Variants in CADPS observed in about 807,000 individuals in gnomAD.
The protein encoded by CADPS is calcium dependent secretion activator.
Under a neutral mutation model 167.3 loss-of-function variants are expected in CADPS, and 57 were observed. That is an observed-to-expected ratio of 0.34 (90% CI 0.28 to 0.42). The LOEUF is 0.42. Ranked by LOEUF, CADPS falls within the 20% of genes least tolerant of loss-of-function variation. CADPS has a pLI of 1.00. For missense variants in CADPS, 1,414 were observed against 1,738.1 expected (o/e 0.81, Z 3.32); for synonymous variants, 676 against 635.3 (o/e 1.06, Z -0.96).
At chr3:62,808,929 T>C (rs1169203331) in intron 1 of CADPS, among the ~76,000 whole-genome samples, 1 of 152,112 alleles carries the variant, frequency 6.6e-6, no homozygotes, top group Non-Finnish European at 1.5e-5. Context: ...CAACTCTTCC[T>C]CCTCCAACTC....
intron 29 of CADPS, 36 bp downstream of exon 29, chr3:62,403,045 C>T: frequency 7.7e-7 from 1 of 1,304,796 alleles, no homozygotes; most frequent in Non-Finnish European, 1.1e-6. Context: ...TTTCAGTAAG[C>T]TATTTGCAAA....
At chr3:62,515,616 A>G (rs1029603533) in intron 16 of CADPS, among the ~76,000 whole-genome samples, 3 of 152,156 alleles carry the variant, frequency 2.0e-5, no homozygotes, top group African/African-American at 7.2e-5. Context: ...TGGGGGCAAG[A>G]AAGAGCAAAA....
chr3:62,742,154 T>C (rs1415901524), intron 3 of CADPS, among the ~76,000 whole-genome samples: 3 of 152,176 alleles, frequency 2.0e-5, no homozygotes, highest in South Asian at 2.1e-4. Context: ...AAACATCCAA[T>C]GCTCATGGAT....
At chr3:62,738,946 A>G (rs2079599330) in intron 3 of CADPS, among the ~76,000 whole-genome samples, 1 of 152,238 alleles carries the variant, frequency 6.6e-6, no homozygotes, top group African/African-American at 2.4e-5. Flanking sequence ...AGGGCATGTC[A>G]GCAATAATCA....
chr3:62,756,660 T>G (rs372946703), intron 2 of CADPS, among the ~76,000 whole-genome samples: 2 of 152,346 alleles, frequency 1.3e-5, no homozygotes, highest in South Asian at 4.1e-4. Context: ...GCTAGGAATC[T>G]ATTCTAATAT....
chr3:62,521,234 T>C (rs1007594736), intron 13 of CADPS, among the ~76,000 whole-genome samples: 2 of 152,094 alleles, frequency 1.3e-5, no homozygotes, highest in Non-Finnish European at 2.9e-5. Flanking sequence ...AAAAAAATAT[T>C]AGGTGGGTGG....
intron 21 of CADPS, among the ~76,000 whole-genome samples, chr3:62,490,333 A>G (rs915003816): frequency 1.3e-5 from 2 of 152,140 alleles, no homozygotes; most frequent in Admixed American, 1.3e-4. Context: ...AAAGAAAGAA[A>G]CTAACAAGGC....
chr3:62,507,823 C>T (rs940108873), intron 17 of CADPS, among the ~76,000 whole-genome samples: 2 of 152,136 alleles, frequency 1.3e-5, no homozygotes, highest in Non-Finnish European at 2.9e-5. Context: ...GAAGAACATC[C>T]TTTTAAATAC....
chr3:62,666,342 A>G (rs979223455), intron 3 of CADPS, among the ~76,000 whole-genome samples: 1 of 152,166 alleles, frequency 6.6e-6, no homozygotes, highest in Non-Finnish European at 1.5e-5. Context: ...GGAGCTTGAC[A>G]GCTCCACTCT....
At chr3:62,564,903 G>C (rs1410666728) in intron 9 of CADPS, among the ~76,000 whole-genome samples, 1 of 152,022 alleles carries the variant, frequency 6.6e-6, no homozygotes, top group East Asian at 1.9e-4. Flanking sequence ...CCATGTCTGG[G>C]CACCAGAAAT....
chr3:62,874,304 G>A lies in CADPS; in HGVS notation c.441+285C>T, dbSNP rs1370424957. On this transcript the variant is annotated intron_variant, in intron 1 of 29. Coordinates refer to ENST00000383710, the MANE Select transcript of CADPS (RefSeq NM_003716.4). The surrounding 1 kb of genome is among the most constrained non-coding windows in gnomAD (Gnocchi z 7.1). ...CCTCTCGGTCCACAAAGCGGGACCTGCCTGCCTCGCTCACCAACGCTCCCG... is the reference window on the plus strand; with the variant it reads ...CCTCTCGGTCCACAAAGCGGGACCTACCTGCCTCGCTCACCAACGCTCCCG... Among the ~76,000 whole-genome samples the A allele has an allele frequency of 1.3e-5, 2 of 152,200 alleles. No homozygotes were observed. Among genetic ancestry groups the A allele is most frequent in the African/African-American group, 4.8e-5 (2 of 41,474 alleles).
intron 8 of CADPS, among the ~76,000 whole-genome samples, chr3:62,577,237 T>C (rs1475005523): frequency 6.6e-6 from 1 of 152,220 alleles, no homozygotes; most frequent in Admixed American, 6.5e-5. Flanking sequence ...TTCTCTCATA[T>C]GGTATTTGTG....
chr3:62,687,002 G>T (rs910873070), intron 3 of CADPS, among the ~76,000 whole-genome samples: 5 of 152,130 alleles, frequency 3.3e-5, no homozygotes, highest in African/African-American at 1.2e-4. Flanking sequence ...GATGGTGACA[G>T]CTGTGGGCTG....
At chr3:62,756,971 G>C (rs1404678723) in intron 2 of CADPS, among the ~76,000 whole-genome samples, 1 of 152,128 alleles carries the variant, frequency 6.6e-6, no homozygotes, top group Non-Finnish European at 1.5e-5. Context: ...GAAAGCCATT[G>C]AAAGTTTTAA....
rs1301471598 is a variant in CADPS, at chr3:62,602,911, T to G, written c.1326-10163A>C. On this transcript the variant is annotated intron_variant, in intron 6 of 29. Coordinates refer to ENST00000383710, the MANE Select transcript of CADPS (RefSeq NM_003716.4). The surrounding 1 kb of genome is among the most constrained non-coding windows in gnomAD (Gnocchi z 4.4). ...TTTGCCTCTCTTTGCCACATGTCCGTCTTGTCACCGGATCTTTCAAATCCC... is the reference window on the plus strand; with the variant it reads ...TTTGCCTCTCTTTGCCACATGTCCGGCTTGTCACCGGATCTTTCAAATCCC... Among the ~76,000 whole-genome samples, 2 of 152,194 alleles carry G rather than the reference T, an allele frequency of 1.3e-5. No homozygotes were observed. The highest frequency in any genetic ancestry group is 4.8e-5 in the African/African-American group (2 of 41,452).
intron 23 of CADPS, among the ~76,000 whole-genome samples, chr3:62,474,970 G>C (rs957516946): frequency 4.6e-5 from 7 of 152,040 alleles, no homozygotes; most frequent in African/African-American, 1.7e-4. Context: ...TGTGGTATTG[G>C]GGGACTTCCA....
intron 3 of CADPS, among the ~76,000 whole-genome samples, chr3:62,746,668 T>TA (rs1189979764): frequency 6.6e-6 from 1 of 152,110 alleles, no homozygotes; most frequent in Non-Finnish European, 1.5e-5. Context: ...CATCTATAAA[T>TA]AAAAAATTTG....
At chr3:62,711,671 A>G (rs1016135523) in intron 3 of CADPS, among the ~76,000 whole-genome samples, 4 of 152,234 alleles carry the variant, frequency 2.6e-5, no homozygotes, top group Non-Finnish European at 2.9e-5. Flanking sequence ...ACTGGTAGGT[A>G]AAACTGAATC....
intron 26 of CADPS, 147 bp from the exon 27 acceptor site, chr3:62,445,944 C>T (rs978283874): frequency 2.0e-6 from 1 of 499,896 alleles, no homozygotes; most frequent in African/African-American, 2.0e-5. Flanking sequence ...AAAATAAAAT[C>T]TGTTTGCTAT....
Sources: gnomAD v4.1 joint callset for allele counts (sites outside exome capture counted in the v4.1 genomes callset) on GRCh38, gnomAD v4.1.1 for gene constraint, Gnocchi (gnomAD v3.1) non-coding constraint, MANE v1.5 for transcripts, NCBI Gene and HGNC (gene_info 2026-07-23, HGNC 2026-07-21) for gene names.